The following DDX60L variants were observed in gnomAD, a reference collection of about 807,000 sequenced individuals.
DDX60L encodes DExD/H-box 60 like, also known as probable ATP-dependent RNA helicase DDX60-like.
DDX60L carries 191 observed loss-of-function variants against 211.6 expected under a neutral mutation model. That is an observed-to-expected ratio of 0.90 (90% CI 0.80 to 1.02). DDX60L has a LOEUF of 1.02. Ranked by LOEUF, DDX60L falls within the 50% of genes least tolerant of loss-of-function variation. The probability of loss-of-function intolerance (pLI) is 0.00; values close to 1 mark genes in which losing one functional copy is unlikely to be tolerated. For synonymous variants in DDX60L, 706 were observed against 694.1 expected, an observed-to-expected ratio of 1.02 and a Z score of -0.27; for missense variants, 2,007 against 1,984.1, an observed-to-expected ratio of 1.01 and a Z score of -0.22.
At chr4:168,428,069 C>T (rs971716768) in intron 13 of DDX60L, among the ~76,000 whole-genome samples, 17 of 152,222 alleles carry the variant, frequency 1.1e-4, no homozygotes, top group Admixed American at 6.5e-5. Flanking sequence ...AAGGGCTCAG[C>T]TGGGTGAGGC....
At chr4:168,379,537 T>C in intron 31 of DDX60L, 33 bp from the exon 32 acceptor site, 2 of 1,472,852 alleles carry the variant, frequency 1.4e-6, no homozygotes, top group Non-Finnish European at 1.8e-6. Context: ...TGATTTAACT[T>C]GTCATGTACT....
At chr4:168,451,634 G>A (rs572755039) in intron 8 of DDX60L, among the ~76,000 whole-genome samples, 4 of 152,232 alleles carry the variant, frequency 2.6e-5, no homozygotes, top group South Asian at 2.1e-4. Flanking sequence ...TCTACAATGC[G>A]CTCTATGCAC....
At chr4:168,477,421 A>T (rs1425914249) in intron 1 of DDX60L, among the ~76,000 whole-genome samples, 1 of 152,154 alleles carries the variant, frequency 6.6e-6, no homozygotes, top group Admixed American at 6.5e-5. Flanking sequence ...TCTAAAAAAA[A>T]AAAAAAGTGA....
intron 36 of DDX60L, among the ~76,000 whole-genome samples, chr4:168,369,484 A>AT (rs1740588472): frequency 3.4e-5 from 1 of 29,654 alleles, no homozygotes; most frequent in Non-Finnish European, 7.6e-5. Context: ...TAAAAAAAAC[A>AT]AAAAAAAAAA....
chr4:168,438,594 T>C (rs1175762023), intron 10 of DDX60L, among the ~76,000 whole-genome samples: 1 of 152,254 alleles, frequency 6.6e-6, no homozygotes, highest in Non-Finnish European at 1.5e-5. Flanking sequence ...ACCAATTTTG[T>C]AGACAATTTG....
chr4:168,420,356 T>C lies in DDX60L; in HGVS notation c.2419A>G (p.Thr807Ala), dbSNP rs769086949. The change falls in exon 18 of 38, where the codon ACT becomes GCT. Residue 807 changes from threonine to alanine, a missense_variant. Physicochemically the swap from Thr to Ala is moderately conservative, Grantham distance 58 (BLOSUM62 0). Transcript: ENST00000682922. ...GTTTTAGTAAAACGATTCTCAACAG[T>C]TGCAGCCACTTGACCAACAAGGGAC... ...AKSLVGQVAATVENRFTKTLP... is the reference protein window; with the variant it reads ...AKSLVGQVAAAVENRFTKTLP... 2.5e-6 allele frequency: 4 copies of C among 1,610,642 alleles called. No homozygotes were observed. In the South Asian group the frequency reaches 4.4e-5, roughly 18 times the overall value.
Position 168,420,254 on chromosome 4 carries a change from G to T in DDX60L, c.2514+7C>A. 6.4e-7 allele frequency: 1 copy of T among 1,574,116 alleles called. No individual in the cohort carries two copies. The highest frequency in any genetic ancestry group is 8.6e-7 in the Non-Finnish European group (1 of 1,162,202). ...TGATAATAAACTCATTAATTAATAT[G>T]TCATACCTGACAGTTTAGTACATTG... On this transcript the variant is annotated splice_region_variant and intron_variant, in intron 18 of 37. Transcript: ENST00000682922.
intron 22 of DDX60L, among the ~76,000 whole-genome samples, chr4:168,413,308 A>G (rs767561826): frequency 6.6e-6 from 1 of 152,140 alleles, no homozygotes; most frequent in Non-Finnish European, 1.5e-5. Flanking sequence ...TATCAAAACA[A>G]GGCAAAGACA....
chr4:168,426,142 T>C (rs367568606), intron 14 of DDX60L, among the ~76,000 whole-genome samples: 3 of 152,174 alleles, frequency 2.0e-5, no homozygotes, highest in Admixed American at 1.3e-4. Context: ...TATTCCCCCA[T>C]AGCTATGGCT....
chr4:168,373,940 T>G, intron 34 of DDX60L, 132 bp from the exon 35 acceptor site: 1 of 847,632 alleles, frequency 1.2e-6, no homozygotes, highest in Non-Finnish European at 1.8e-6. Context: ...TGAGATATGG[T>G]GCATAAAGTC....
At chr4:168,398,788 C>T (rs1474619032) in intron 26 of DDX60L, among the ~76,000 whole-genome samples, 2 of 151,864 alleles carry the variant, frequency 1.3e-5, no homozygotes, top group African/African-American at 4.8e-5. Flanking sequence ...GAGAGCTGAG[C>T]AGATGTCAGG....
Position 168,409,402 on chromosome 4 carries a change from C to G in DDX60L, c.2980-2696G>C, listed in dbSNP as rs540431880. Among the ~76,000 whole-genome samples the G allele has an allele frequency of 3.5e-4, 54 of 152,326 alleles. No individual in the cohort carries two copies. In the East Asian group the frequency reaches 9.8e-3, roughly 28 times the overall value. On this transcript the variant is annotated intron_variant, in intron 22 of 37. Transcript: ENST00000682922. ...TAAAGGTAACTTACCTTAAATCACTCTAAGCAGAGTAAACCATTAAAAAAT... is the reference window on the plus strand; with the variant it reads ...TAAAGGTAACTTACCTTAAATCACTGTAAGCAGAGTAAACCATTAAAAAAT...
At chr4:168,373,624 C>G in intron 35 of DDX60L, 42 bp downstream of exon 35, 1 of 1,590,562 alleles carries the variant, frequency 6.3e-7, no homozygotes. Flanking sequence ...CCCACTCTGT[C>G]TGTTAAACAC....
chr4:168,430,376 T>G, intron 13 of DDX60L, 102 bp downstream of exon 13: 2 of 1,014,340 alleles, frequency 2.0e-6, no homozygotes, highest in Non-Finnish European at 2.8e-6. Flanking sequence ...TTAGCAAACA[T>G]GAGAAAGAAG....
intron 10 of DDX60L, among the ~76,000 whole-genome samples, chr4:168,435,599 C>G (rs183515978): frequency 6.6e-6 from 1 of 151,090 alleles, no homozygotes; most frequent in South Asian, 2.1e-4. Context: ...ACGCAGCTAT[C>G]GAGCTGGCAA....
intron 19 of DDX60L, among the ~76,000 whole-genome samples, chr4:168,417,088 C>T (rs1294071048): frequency 1.3e-5 from 2 of 152,196 alleles, no homozygotes; most frequent in Admixed American, 6.5e-5. Flanking sequence ...TGGCTTTCTA[C>T]AACAGCCTTC....
chr4:168,435,957 A>C (rs1186889796), intron 10 of DDX60L, among the ~76,000 whole-genome samples: 2 of 152,212 alleles, frequency 1.3e-5, no homozygotes, highest in African/African-American at 2.4e-5. Flanking sequence ...CAAAAATTCA[A>C]GGATGTTCCA....
intron 22 of DDX60L, among the ~76,000 whole-genome samples, chr4:168,407,176 C>G (rs1358948888): frequency 6.6e-6 from 1 of 152,162 alleles, no homozygotes; most frequent in African/African-American, 2.4e-5. Flanking sequence ...AAGGGACAAA[C>G]CTTTGCCCCT....
At chr4:168,440,607 C>T (rs1753686309) in intron 10 of DDX60L, among the ~76,000 whole-genome samples, 1 of 152,108 alleles carries the variant, frequency 6.6e-6, no homozygotes, top group Non-Finnish European at 1.5e-5. Context: ...TTTGCTCTTC[C>T]CTTCCCCCAG....
Sources: gnomAD v4.1 joint callset for allele counts (sites outside exome capture counted in the v4.1 genomes callset) on GRCh38, gnomAD v4.1.1 for gene constraint, MANE v1.5 for transcripts, NCBI Gene and HGNC (gene_info 2026-07-23, HGNC 2026-07-21) for gene names.